Variants in CHRNA2 observed in about 807,000 individuals in gnomAD.
The protein encoded by CHRNA2 is cholinergic receptor nicotinic alpha 2 subunit, also known as neuronal acetylcholine receptor subunit alpha-2.
A neutral mutation model predicts 45.5 loss-of-function variants in CHRNA2; 40 were observed. That is an observed-to-expected ratio of 0.88 (90% CI 0.68 to 1.15). The LOEUF (loss-of-function observed/expected upper bound fraction) is 1.15. CHRNA2 is among the 50% of genes most tolerant of loss of function. CHRNA2 has a pLI of 0.00. For missense variants in CHRNA2, 655 were observed against 701.7 expected (o/e 0.93, Z 0.75); for synonymous variants, 301 against 296.7 (o/e 1.01, Z -0.15).
At chr8:27,470,327 G>C (rs180982173) in intron 2 of CHRNA2, among the ~76,000 whole-genome samples, 4 of 152,158 alleles carry the variant, frequency 2.6e-5, no homozygotes, top group Non-Finnish European at 4.4e-5. Context: ...TACGTGGCGG[G>C]GCTGCAGGGA....
At chr8:27,466,508 A>C (rs527463477) in intron 5 of CHRNA2, among the ~76,000 whole-genome samples, 15 of 152,124 alleles carry the variant, frequency 9.9e-5, no homozygotes, top group Non-Finnish European at 2.9e-5. Flanking sequence ...ACCCTTTTTC[A>C]TACCTATTTA....
At chr8:27,467,080 T>C (rs1456270562) in intron 5 of CHRNA2, 149 bp downstream of exon 5, 1 of 673,784 alleles carries the variant, frequency 1.5e-6, no homozygotes, top group Non-Finnish European at 2.7e-6. Context: ...AATGAAGGAA[T>C]AGAGAGAGAG....
chr8:27,467,319 A>C lies in CHRNA2; in HGVS notation c.359T>G (p.Leu120Arg), dbSNP rs569942227. 13 of 1,613,446 alleles carry C rather than the reference A, an allele frequency of 8.1e-6. No individual in the cohort carries two copies. The highest frequency in any genetic ancestry group is 6.6e-5 in the South Asian group (6 of 91,074). ...WLKQEWSDYK[L>R]RWNPTDFGNI... ...GCCAAAATCAGTGGGGTTCCAGCGC[A>C]GTTTGTAGTCGCTCCACTCCTGTGT... Residue 120 changes from leucine (L) to arginine (R), a missense_variant, in exon 5 of 7, where the codon CTG becomes CGG. Coordinates refer to ENST00000407991, the MANE Select transcript of CHRNA2 (RefSeq NM_000742.4).
intron 4 of CHRNA2, among the ~76,000 whole-genome samples, chr8:27,467,990 A>G (rs969876102): frequency 6.6e-6 from 1 of 152,198 alleles, no homozygotes. Context: ...TTATCTCCGT[A>G]GTCCATCTGT....
chr8:27,473,430 T>C (rs1225839197), intron 1 of CHRNA2, among the ~76,000 whole-genome samples: 1 of 151,996 alleles, frequency 6.6e-6, no homozygotes, highest in Non-Finnish European at 1.5e-5. Context: ...CTGGGTACAG[T>C]AGCTCATGCC....
At chr8:27,461,841 A>C (rs912849119) in intron 6 of CHRNA2, 87 bp from the exon 7 acceptor site, 4 of 1,594,666 alleles carry the variant, frequency 2.5e-6, no homozygotes, top group Non-Finnish European at 3.4e-6. Context: ...ACAGGCGGCC[A>C]CTGGGGGCAG....
rs1812438447 is a variant in CHRNA2, at chr8:27,460,471, A to G, written c.*1158T>C. On this transcript the variant is annotated 3_prime_UTR_variant, in exon 7 of 7. Coordinates refer to ENST00000407991, the MANE Select transcript of CHRNA2 (RefSeq NM_000742.4). ...CAAACAATCCAGCTTGCTCCCCTCA[A>G]CCACTCAGAACAAACGCCCTAAGTG... The G allele has an allele frequency of 6.6e-6, 1 of 152,282 alleles. No homozygotes were observed. Among genetic ancestry groups the G allele is most frequent in the South Asian group, 2.1e-4 (1 of 4,832 alleles). 9.4% of individuals were successfully genotyped at this position (152,282 alleles called of 1,614,324 possible).
rs1041938876 is a variant in CHRNA2, at chr8:27,460,095, C to A, written c.*1534G>T. On this transcript the variant is annotated 3_prime_UTR_variant, in exon 7 of 7. Transcript: ENST00000407991. Reference sequence around the variant, plus strand: ...CATTTTGGGGTTTGGAAGGAGGGGACCCCTAGGACCAAAAGGAAACTGGAA... The same window carrying A: ...CATTTTGGGGTTTGGAAGGAGGGGAACCCTAGGACCAAAAGGAAACTGGAA... 1.3e-5 allele frequency: 2 copies of A among 152,188 alleles called. No individual in the cohort carries two copies. Among genetic ancestry groups the A allele is most frequent in the African/African-American group, 4.8e-5 (2 of 41,400 alleles). The allele number at this position is 152,188 out of a possible 1,614,324, so 9.4% of individuals were successfully genotyped here. A position where few individuals can be genotyped will look rare whatever the true frequency, so the allele number is the denominator to read the frequency against.
intron 4 of CHRNA2, 105 bp downstream of exon 4, chr8:27,469,230 G>C: frequency 8.8e-7 from 1 of 1,131,226 alleles, no homozygotes; most frequent in Non-Finnish European, 1.3e-6. Context: ...TAAGTTCAGG[G>C]TCTTGCTGTT....
chr8:27,461,437 G>T lies in CHRNA2; in HGVS notation c.*192C>A. The T allele has an allele frequency of 1.3e-6, 1 of 761,234 alleles. No individual in the cohort carries two copies. The highest frequency in any genetic ancestry group is 2.1e-6 in the Non-Finnish European group (1 of 480,644). The allele number at this position is 761,234 out of a possible 1,614,324, so 47.2% of individuals were successfully genotyped here. On this transcript the variant is annotated 3_prime_UTR_variant, in exon 7 of 7. Transcript: ENST00000407991. ...TCCTCCGTATCCAAAACAGGGCTTT[G>T]CACCCAGCAGGCTGTCAGCCCTGGT...
intron 2 of CHRNA2, 79 bp from the exon 3 acceptor site, chr8:27,470,060 C>G (rs1812829129): frequency 7.7e-7 from 1 of 1,302,660 alleles, no homozygotes; most frequent in Non-Finnish European, 1.1e-6. Context: ...TATCCAGAAC[C>G]TATCTCAAAA....
rs770447673 is a variant in CHRNA2 at position 27,463,151 on chromosome 8, G to A, written c.1292C>T (p.Pro431Leu). Residue 431 changes from proline to leucine, a missense_variant, in exon 6 of 7, where the codon CCC becomes CTC. Around this residue, in one of 3 missense-constraint regions of CHRNA2, gnomAD observed 295 missense variants for 280.4 expected, o/e 1.05. Coordinates refer to ENST00000407991, the MANE Select transcript of CHRNA2 (RefSeq NM_000742.4). The surrounding 1 kb of genome is among the most constrained non-coding windows in gnomAD (Gnocchi z 6.1). ...DRWACAGHVAPSVGTLCSHGH... is the reference protein window; with the variant it reads ...DRWACAGHVALSVGTLCSHGH... The stretch of plus-strand genomic sequence containing the variant: ...GTGGCTGCAGAGGGTGCCCACAGAG[G>A]GGGCCACATGACCTGCACATGCCCA... 2.5e-6 allele frequency: 4 copies of A among 1,602,128 alleles called. No homozygotes were observed. Among genetic ancestry groups the A allele is most frequent in the East Asian group, 2.2e-5 (1 of 44,576 alleles).
rs886062842 is a variant in CHRNA2, at chr8:27,460,533, G to C, written c.*1096C>G. On this transcript the variant is annotated 3_prime_UTR_variant, in exon 7 of 7. Coordinates refer to ENST00000407991, the MANE Select transcript of CHRNA2 (RefSeq NM_000742.4). ...CACCCGGCGCTGTGCTAGGTGCTGG[G>C]GGTGGGAAAAATAACAGGCAGAGTA... 1.3e-5 allele frequency: 2 copies of C among 152,222 alleles called. No individual in the cohort carries two copies. The highest frequency in any genetic ancestry group is 2.9e-5 in the Non-Finnish European group (2 of 68,072). The allele number at this position is 152,222 out of a possible 1,614,324, so 9.4% of individuals were successfully genotyped here.
chr8:27,464,054 T>C, intron 5 of CHRNA2, 61 bp from the exon 6 acceptor site: 1 of 1,597,680 alleles, frequency 6.3e-7, no homozygotes, highest in African/African-American at 1.3e-5. Flanking sequence ...GCCAGGCTAC[T>C]CAGAGAGCTG....
intron 1 of CHRNA2, among the ~76,000 whole-genome samples, chr8:27,474,811 C>T (rs538364526): frequency 6.6e-6 from 1 of 152,332 alleles, no homozygotes; most frequent in South Asian, 2.1e-4. Flanking sequence ...CAGCACCCAC[C>T]CCAGCCTGGG....
chr8:27,469,709 T>C, intron 3 of CHRNA2, 52 bp downstream of exon 3: 1 of 1,599,164 alleles, frequency 6.3e-7, no homozygotes, highest in Admixed American at 1.7e-5. Flanking sequence ...GGGAAAGCGG[T>C]GGGTGGTCTG....
In CHRNA2 at chr8:27,471,148, T is replaced by C; in HGVS notation, c.-90A>G. On this transcript the variant is annotated 5_prime_UTR_variant, in exon 2 of 7. Transcript: ENST00000407991. ...CCCCAGCAGAGCTGCTGCTGGATTC[T>C]GTGAGGATTCTGCTGGATTCTGCGA... is the stretch of plus-strand genomic sequence containing the variant. 1 of 1,264,616 alleles carries C rather than the reference T, an allele frequency of 7.9e-7. No homozygotes were observed. Among genetic ancestry groups the C allele is most frequent in the Non-Finnish European group, 1.1e-6 (1 of 872,962 alleles). The allele number at this position is 1,264,616 out of a possible 1,614,324, so 78.3% of individuals were successfully genotyped here. A position where few individuals can be genotyped will look rare whatever the true frequency, so the allele number is the denominator to read the frequency against.
chr8:27,466,626 A>G (rs866470705), intron 5 of CHRNA2, among the ~76,000 whole-genome samples: 1 of 152,348 alleles, frequency 6.6e-6, no homozygotes, highest in African/African-American at 2.4e-5. Flanking sequence ...TAAGGGAAGA[A>G]TTGTCTGATA....
chr8:27,468,318 C>T (rs1036008445), intron 4 of CHRNA2, among the ~76,000 whole-genome samples: 1 of 152,186 alleles, frequency 6.6e-6, no homozygotes, highest in Non-Finnish European at 1.5e-5. Flanking sequence ...GGGTAGCTTC[C>T]AAGTTCCTGC....
Sources: allele counts gnomAD v4.1 joint callset (sites outside exome capture counted in the v4.1 genomes callset), GRCh38; gene constraint gnomAD v4.1.1; regional missense constraint gnomAD v4.1.1; non-coding constraint Gnocchi (gnomAD v3.1); transcripts MANE v1.5; gene names NCBI Gene and HGNC (gene_info 2026-07-23, HGNC 2026-07-21).